The following EVI5 variants were observed in gnomAD, a reference collection of about 807,000 sequenced individuals.
EVI5 encodes ecotropic viral integration site 5.
In EVI5, 73 loss-of-function variants were observed where a neutral mutation model predicts 112.0. The ratio of observed to expected loss-of-function variants is 0.65; its 90% CI spans 0.54 to 0.79. EVI5 has a LOEUF of 0.79. EVI5 is among the 30% of genes least tolerant of loss of function. The pLI, the probability that EVI5 is intolerant of heterozygous loss-of-function variation, is 0.00. For synonymous variants in EVI5, 305 were observed against 319.9 expected (o/e 0.95, Z 0.50); for missense variants, 900 against 968.8 (o/e 0.93, Z 0.94).
intron 1 of EVI5, among the ~76,000 whole-genome samples, chr1:92,780,076 G>C (rs1487095741): frequency 6.6e-6 from 1 of 152,156 alleles, no homozygotes; most frequent in Non-Finnish European, 1.5e-5. Context: ...GGAGATAAAT[G>C]AATCAAAGGG....
intron 5 of EVI5, among the ~76,000 whole-genome samples, chr1:92,699,652 C>T (rs974596482): frequency 6.6e-6 from 1 of 152,150 alleles, no homozygotes. Context: ...AGGCTATATG[C>T]TATATAGCCT....
intron 1 of EVI5, among the ~76,000 whole-genome samples, chr1:92,778,349 G>C (rs1046019688): frequency 3.3e-5 from 5 of 152,150 alleles, no homozygotes; most frequent in Non-Finnish European, 7.3e-5. Flanking sequence ...ATGCTGAACA[G>C]TTAGAATCCC....
At chr1:92,614,629 C>T (rs796499459) in intron 16 of EVI5, among the ~76,000 whole-genome samples, 6 of 151,900 alleles carry the variant, frequency 3.9e-5, no homozygotes, top group African/African-American at 4.8e-5. Flanking sequence ...ATCTTTGTCC[C>T]GTGCTGGATG....
intron 1 of EVI5, among the ~76,000 whole-genome samples, chr1:92,766,096 A>AAATAATAATAATAAT (rs71091300): frequency 1.3e-4 from 19 of 141,002 alleles, no homozygotes; most frequent in South Asian, 4.5e-4. Context: ...AGACCCTGCA[A>AAATAATAATAATAAT]AATAATAATA....
chr1:92,566,124 A>C (rs2100935880), intron 18 of EVI5, among the ~76,000 whole-genome samples: 1 of 151,862 alleles, frequency 6.6e-6, no homozygotes, highest in Non-Finnish European at 1.5e-5. Flanking sequence ...TATTCCTAAA[A>C]ACTCCCTGTT....
rs143887144 is a variant in EVI5, at chr1:92,636,270, G to A, written c.1459C>T (p.Arg487Ter). 6.2e-6 allele frequency: 10 copies of A among 1,613,068 alleles called. No homozygotes were observed. The highest frequency in any genetic ancestry group is 2.2e-5 in the East Asian group (1 of 44,864). The change falls in exon 14 of 20, where the codon CGA becomes TGA. Residue 487 changes from arginine (R) to a stop codon, truncating the protein, a stop_gained. Coordinates refer to ENST00000684568, the MANE Select transcript of EVI5 (RefSeq NM_001350197.2). LOFTEE classifies it high-confidence loss of function. ...CACTGAGACTCAGCTTCACTCAGTC[G>A]GGCTTGGACCAATTCCTTCTCTAGC... is the stretch of plus-strand genomic sequence containing the variant. ...LQLEKELVQA[R>*]LSEAESQCAL...
chr1:92,647,157 G>T, intron 13 of EVI5: 1 of 161,898 alleles, frequency 6.2e-6, no homozygotes, highest in Non-Finnish European at 1.4e-5. Context: ...CACCAGACTT[G>T]CCGTTAGACT....
chr1:92,576,239 CAT>C lies in EVI5; in HGVS notation c.2071-12504_2071-12503del, dbSNP rs202231715. On this transcript the variant is annotated intron_variant, in intron 18 of 19. Transcript: ENST00000684568. ...ATACATGTCCTACACATATGTATGT[CAT>C]GTGTACATATGTATATTAGTTAACA... is the stretch of plus-strand genomic sequence containing the variant. 8.7e-3 allele frequency among the ~76,000 whole-genome samples: 1,321 copies of C among 152,102 alleles called. 15 individuals are homozygous for C. Among genetic ancestry groups the C allele is most frequent in the African/African-American group, 0.031 (1,265 of 41,424 alleles).
At chr1:92,538,934 A>G (rs545493523) in intron 19 of EVI5, among the ~76,000 whole-genome samples, 29 of 152,344 alleles carry the variant, frequency 1.9e-4, no homozygotes, top group African/African-American at 7.0e-4. Context: ...AGCTGGGGCT[A>G]AACTATGAAG....
Position 92,662,751 on chromosome 1 carries a change from T to C in EVI5, c.1360A>G (p.Thr454Ala). ...ASAKLEQAEN[T>A]IRKLQHQQQW... The stretch of plus-strand genomic sequence containing the variant: ...TGTTGGTGCTGGAGCTTCCTGATGG[T>C]ATTTTCAGCTTGCTCCAGCTTAGCA... Residue 454 changes from threonine to alanine, a missense_variant, in exon 13 of 20, where the codon ACC (threonine) becomes GCC (alanine). Physicochemically the swap from Thr to Ala is moderately conservative, Grantham distance 58. Transcript: ENST00000684568. The C allele has an allele frequency of 1.6e-6, 2 of 1,286,070 alleles. No individual in the cohort carries two copies. The highest frequency in any genetic ancestry group is 2.0e-6 in the Non-Finnish European group (2 of 987,488). The allele number at this position is 1,286,070 out of a possible 1,614,324, so 79.7% of individuals were successfully genotyped here.
chr1:92,734,508 T>C (rs1677026542), intron 2 of EVI5, among the ~76,000 whole-genome samples: 1 of 152,058 alleles, frequency 6.6e-6, no homozygotes, highest in African/African-American at 2.4e-5. Flanking sequence ...TCTCACTCTG[T>C]CGCCCAGGCT....
At chr1:92,638,819 A>G (rs1288462270) in intron 13 of EVI5, among the ~76,000 whole-genome samples, 5 of 152,144 alleles carry the variant, frequency 3.3e-5, no homozygotes, top group African/African-American at 1.2e-4. Context: ...TTTAAGCCAT[A>G]TAGGTGTTGA....
At chr1:92,553,686 G>A (rs573480492) in intron 19 of EVI5, among the ~76,000 whole-genome samples, 44 of 151,474 alleles carry the variant, frequency 2.9e-4, no homozygotes, top group Non-Finnish European at 5.2e-4. Context: ...AGCCAACCTC[G>A]GTCTCACATA....
At chr1:92,598,524 G>C (rs1353468205) in intron 18 of EVI5, among the ~76,000 whole-genome samples, 1 of 152,180 alleles carries the variant, frequency 6.6e-6, no homozygotes, top group African/African-American at 2.4e-5. Flanking sequence ...GAAAGTCATG[G>C]AGGTATTAAT....
intron 19 of EVI5, among the ~76,000 whole-genome samples, chr1:92,538,554 T>G (rs1664264341): frequency 6.6e-6 from 1 of 152,158 alleles, no homozygotes; most frequent in African/African-American, 2.4e-5. Context: ...GCACCTAGTG[T>G]TTAGGTGACA....
intron 2 of EVI5, among the ~76,000 whole-genome samples, chr1:92,729,268 G>A (rs1369772616): frequency 6.6e-6 from 1 of 152,202 alleles, no homozygotes. Flanking sequence ...CATTAAATTT[G>A]TGAGTAGAAG....
chr1:92,548,027 T>C (rs1432855943), intron 19 of EVI5, among the ~76,000 whole-genome samples: 1 of 152,152 alleles, frequency 6.6e-6, no homozygotes, highest in Admixed American at 6.5e-5. Flanking sequence ...TACCAAAGCC[T>C]GGCAGAGACA....
At chr1:92,648,020 C>A (rs1239450562) in intron 13 of EVI5, among the ~76,000 whole-genome samples, 1 of 145,486 alleles carries the variant, frequency 6.9e-6, no homozygotes, top group Non-Finnish European at 1.5e-5. Context: ...GCTGGGATTA[C>A]AGGCATGAGC....
intron 1 of EVI5, among the ~76,000 whole-genome samples, chr1:92,747,404 A>T (rs753970320): frequency 6.6e-6 from 1 of 152,098 alleles, no homozygotes; most frequent in Non-Finnish European, 1.5e-5. Flanking sequence ...AAGTACCACA[A>T]ACTGGGTGGC....
Sources: allele counts gnomAD v4.1 joint callset (sites outside exome capture counted in the v4.1 genomes callset), GRCh38; gene constraint gnomAD v4.1.1; transcripts MANE v1.5; gene names NCBI Gene and HGNC (gene_info 2026-07-23, HGNC 2026-07-21).